The following DNAJB6 variants were observed in gnomAD, a reference collection of about 807,000 sequenced individuals.
The protein encoded by DNAJB6 is DnaJ heat shock protein family (Hsp40) member B6.
A neutral mutation model predicts 42.7 loss-of-function variants in DNAJB6; 16 were observed. The observed-to-expected ratio is 0.37, with a 90% CI of 0.25 to 0.57. The LOEUF (loss-of-function observed/expected upper bound fraction) is 0.57. Ranked by LOEUF, DNAJB6 falls within the 20% of genes least tolerant of loss-of-function variation. DNAJB6 has a pLI of 0.74. For missense variants in DNAJB6, 347 were observed against 416.8 expected (o/e 0.83, Z 1.46); for synonymous variants, 170 against 163.5 (o/e 1.04, Z -0.30).
chr7:157,408,356 C>T (rs915853943), intron 8 of DNAJB6, among the ~76,000 whole-genome samples: 1 of 152,216 alleles, frequency 6.6e-6, no homozygotes, highest in Admixed American at 6.5e-5. Flanking sequence ...CATCTGAGGC[C>T]TGCGCCTCCT....
intron 6 of DNAJB6, 128 bp from the exon 7 acceptor site, chr7:157,384,739 C>G (rs1175264854): frequency 4.4e-5 from 38 of 871,850 alleles, no homozygotes; most frequent in Non-Finnish European, 5.1e-5. Context: ...TTGATAGTTG[C>G]GTCGTTTATT....
intron 1 of DNAJB6, among the ~76,000 whole-genome samples, chr7:157,352,960 C>T (rs1799071782): frequency 6.6e-6 from 1 of 152,088 alleles, no homozygotes; most frequent in African/African-American, 2.4e-5. Flanking sequence ...ATTCTTAGTG[C>T]TTGCTGGCTT....
chr7:157,410,116 TG>T (rs1301687251), intron 9 of DNAJB6, 115 bp downstream of exon 9: 2 of 1,417,874 alleles, frequency 1.4e-6, no homozygotes, highest in East Asian at 5.3e-5. Flanking sequence ...TGAGCGGGCG[TG>T]GGCGGTCGGG....
chr7:157,404,511 CTTTTCT>C (rs1159705672), intron 8 of DNAJB6, among the ~76,000 whole-genome samples: 2 of 58,550 alleles, frequency 3.4e-5, no homozygotes, highest in African/African-American at 1.4e-4. Context: ...TGTCTTTTTT[CTTTTCT>C]TTTTTTTTTT....
At chr7:157,346,935 A>C (rs1344056236) in intron 1 of DNAJB6, among the ~76,000 whole-genome samples, 3 of 152,114 alleles carry the variant, frequency 2.0e-5, no homozygotes, top group Non-Finnish European at 4.4e-5. Flanking sequence ...GGCGCACTGC[A>C]AGCTCCACCT....
At chr7:157,359,161 T>C (rs536366365) in intron 2 of DNAJB6, among the ~76,000 whole-genome samples, 51 of 152,332 alleles carry the variant, frequency 3.3e-4, no homozygotes, top group African/African-American at 1.1e-3. Flanking sequence ...TTAGTCTGTT[T>C]AATTAATGAG....
intron 8 of DNAJB6, among the ~76,000 whole-genome samples, chr7:157,394,995 G>A (rs1338759490): frequency 3.9e-5 from 6 of 152,156 alleles, no homozygotes; most frequent in Non-Finnish European, 7.3e-5. Flanking sequence ...GGAGGCTAAG[G>A]TGCGAGGATT....
At position 157,358,654 on chromosome 7, in the gene DNAJB6, C is replaced by T; in HGVS notation, c.65+17C>T. 1 of 1,594,262 alleles carries T rather than the reference C, an allele frequency of 6.3e-7. No individual in the cohort carries two copies. The highest frequency in any genetic ancestry group is 2.2e-5 in the East Asian group (1 of 44,778). On this transcript the variant is annotated intron_variant, in intron 2 of 9. Transcript: ENST00000262177. Reference sequence around the variant, plus strand: ...TAAAAAGGCGTAAGTAGTTTTATTTCTGTGGTAATGCATTTTCACAGTGGT... The same window carrying T: ...TAAAAAGGCGTAAGTAGTTTTATTTTTGTGGTAATGCATTTTCACAGTGGT...
At chr7:157,366,292 A>G (rs973827803) in intron 3 of DNAJB6, among the ~76,000 whole-genome samples, 5 of 152,212 alleles carry the variant, frequency 3.3e-5, no homozygotes, top group Non-Finnish European at 7.3e-5. Flanking sequence ...AAAATTCAAC[A>G]TACTGAATTT....
chr7:157,349,040 T>A (rs1798835966), intron 1 of DNAJB6, among the ~76,000 whole-genome samples: 1 of 152,204 alleles, frequency 6.6e-6, no homozygotes, highest in African/African-American at 2.4e-5. Context: ...TTTGTCTTTT[T>A]AAATTTTTTT....
At chr7:157,377,325 A>G (rs1417676592) in intron 5 of DNAJB6, among the ~76,000 whole-genome samples, 1 of 152,190 alleles carries the variant, frequency 6.6e-6, no homozygotes, top group East Asian at 1.9e-4. Context: ...TTTGGGCAAG[A>G]TAAAAAATCA....
intron 9 of DNAJB6, chr7:157,411,854 T>A (rs1584953954): frequency 1.3e-5 from 2 of 152,222 alleles, no homozygotes; most frequent in Admixed American, 1.3e-4. Context: ...AGGCAGGCGC[T>A]GTTCTCCCCA....
intron 6 of DNAJB6, among the ~76,000 whole-genome samples, chr7:157,383,385 C>T (rs960934530): frequency 6.6e-6 from 1 of 152,138 alleles, no homozygotes; most frequent in African/African-American, 2.4e-5. Flanking sequence ...ATATAGGGTT[C>T]CTTCTTCATC....
intron 8 of DNAJB6, among the ~76,000 whole-genome samples, chr7:157,395,414 C>T (rs538813519): frequency 2.0e-4 from 31 of 152,340 alleles, no homozygotes; most frequent in African/African-American, 6.5e-4. Context: ...GTTTTTCCTG[C>T]GTATGCAGGA....
Position 157,409,869 on chromosome 7 carries a change from G to A in DNAJB6, c.766G>A (p.Gly256Ser), listed in dbSNP as rs2116649710. ...GAACGCCCTGCCAGCCCAGCCTGCC[G>A]GCCTCCGCCCGCCGAAGCCGCCCCG... ...GQNALPAQPA[G>S]LRPPKPPRPA... The change falls in exon 9 of 10, where the codon GGC becomes AGC. Residue 256 changes from glycine (G) to serine (S), a missense_variant. This residue lies in a region of DNAJB6 where 264 missense variants were observed against 288.0 expected (regional missense o/e 0.92). Transcript: ENST00000262177. 2 of 1,533,324 alleles carry A rather than the reference G, an allele frequency of 1.3e-6. No individual in the cohort carries two copies. Among genetic ancestry groups the A allele is most frequent in the Non-Finnish European group, 1.7e-6 (2 of 1,145,646 alleles). The allele number at this position is 1,533,324 out of a possible 1,614,324, so 95.0% of individuals were successfully genotyped here.
In DNAJB6 at chr7:157,348,414, A is replaced by G. The variant is rs142439637; in HGVS notation, c.-26-10133A>G. 2.6e-5 allele frequency among the ~76,000 whole-genome samples: 4 copies of G among 152,214 alleles called. No individual in the cohort carries two copies. The East Asian group carries it at 7.7e-4, about 29-fold the overall frequency. ...CAGTCTTATTTTTTAATATTGCCAT[A>G]TTTTAAATAGGAATGGAAGATTTCT... On this transcript the variant is annotated intron_variant, in intron 1 of 9. Coordinates refer to ENST00000262177, the MANE Select transcript of DNAJB6 (RefSeq NM_058246.4).
At chr7:157,344,577 C>T (rs995940599) in intron 1 of DNAJB6, among the ~76,000 whole-genome samples, 1 of 151,780 alleles carries the variant, frequency 6.6e-6, no homozygotes, top group African/African-American at 2.4e-5. Flanking sequence ...AATTCCCTTC[C>T]AGCCTGAAAT....
intron 8 of DNAJB6, among the ~76,000 whole-genome samples, chr7:157,407,155 G>C (rs1262830539): frequency 6.6e-6 from 1 of 152,268 alleles, no homozygotes; most frequent in Non-Finnish European, 1.5e-5. Flanking sequence ...CTGGCAGCGA[G>C]ACTGGGCTTC....
chr7:157,358,460 C>T lies in DNAJB6; in HGVS notation c.-26-87C>T, dbSNP rs1799418024. 18 of 809,056 alleles carry T rather than the reference C, an allele frequency of 2.2e-5. No individual in the cohort carries two copies. The South Asian group carries it at 2.6e-4, about 12-fold the overall frequency. 50.1% of individuals were successfully genotyped at this position (809,056 alleles called of 1,614,324 possible). The stretch of plus-strand genomic sequence containing the variant: ...CCAGTAGGTGCTAAGGTGACACCAC[C>T]CCTTCCTCCCTCTCCAGACCCATCC... On this transcript the variant is annotated intron_variant, in intron 1 of 9. Transcript: ENST00000262177.
Sources: gnomAD v4.1 joint callset for allele counts (sites outside exome capture counted in the v4.1 genomes callset) on GRCh38, gnomAD v4.1.1 for gene constraint, gnomAD v4.1.1 regional missense constraint, MANE v1.5 for transcripts, NCBI Gene and HGNC (gene_info 2026-07-23, HGNC 2026-07-21) for gene names.